The following NOTCH2NLC variants were observed in gnomAD, a reference collection of about 807,000 sequenced individuals.
The protein encoded by NOTCH2NLC is notch 2 N-terminal like C.
In NOTCH2NLC, 4 loss-of-function variants were observed where a neutral mutation model predicts 17.7. The observed-to-expected ratio is 0.23, with a 90% CI of 0.11 to 0.52. The LOEUF (loss-of-function observed/expected upper bound fraction) is 0.52, where lower values mean the gene tolerates loss of function less well. NOTCH2NLC is among the 20% of genes least tolerant of loss of function. The pLI is 0.96. For missense variants in NOTCH2NLC, 57 were observed against 207.2 expected, an observed-to-expected ratio of 0.28 and a Z score of 4.45; for synonymous variants, 18 against 86.0, an observed-to-expected ratio of 0.21 and a Z score of 4.38.
chr1:149,421,513 A>G (rs1264890349), intron 1 of NOTCH2NLC, among the ~76,000 whole-genome samples: 1 of 147,356 alleles, frequency 6.8e-6, no homozygotes, highest in Non-Finnish European at 1.5e-5. Flanking sequence ...AAAAAAAAAA[A>G]AAAAAAAGCT....
At chr1:149,457,862 A>C in intron 3 of NOTCH2NLC, among the ~76,000 whole-genome samples, 1 of 79,906 alleles carries the variant, frequency 1.3e-5, no homozygotes, top group Admixed American at 1.4e-4. Flanking sequence ...CTTTGGCAAC[A>C]CCTTCACAGA....
At chr1:149,440,999 C>T (rs1331185311) in intron 2 of NOTCH2NLC, among the ~76,000 whole-genome samples, 1 of 150,750 alleles carries the variant, frequency 6.6e-6, no homozygotes, top group African/African-American at 2.4e-5. Flanking sequence ...TTCCCTCAGA[C>T]CTTTTTGGCC....
intron 3 of NOTCH2NLC, among the ~76,000 whole-genome samples, chr1:149,460,447 T>C (rs2084636425): frequency 6.8e-6 from 1 of 147,238 alleles, no homozygotes; most frequent in South Asian, 2.2e-4. Flanking sequence ...CACGCCATTC[T>C]TCTGCCTCAG....
intron 2 of NOTCH2NLC, among the ~76,000 whole-genome samples, chr1:149,440,091 A>G (rs2084507652): frequency 6.7e-6 from 1 of 150,198 alleles, no homozygotes; most frequent in Non-Finnish European, 1.5e-5. Flanking sequence ...TTAATAAGAA[A>G]ATAATCTGAT....
chr1:149,411,856 C>CT (rs1201596958), intron 1 of NOTCH2NLC, among the ~76,000 whole-genome samples: 1 of 68,980 alleles, frequency 1.4e-5, no homozygotes, highest in Non-Finnish European at 2.9e-5. Flanking sequence ...TGGCTCACAC[C>CT]TGTAATCGCA....
At chr1:149,463,085 C>T (rs1416510132) in intron 3 of NOTCH2NLC, among the ~76,000 whole-genome samples, 3 of 150,222 alleles carry the variant, frequency 2.0e-5, no homozygotes, top group African/African-American at 2.4e-5. Context: ...CTGCCTGCCT[C>T]GGCCTCCCAA....
chr1:149,432,481 G>A (rs1186823963), intron 2 of NOTCH2NLC, among the ~76,000 whole-genome samples: 5 of 150,988 alleles, frequency 3.3e-5, no homozygotes, highest in Non-Finnish European at 7.4e-5. Context: ...AAAAACATGT[G>A]GTGCATTCTC....
intron 3 of NOTCH2NLC, among the ~76,000 whole-genome samples, chr1:149,457,281 A>G (rs1486819131): frequency 1.2e-4 from 2 of 16,678 alleles, no homozygotes; most frequent in East Asian, 1.2e-3. Context: ...ATTAAATTAG[A>G]TGAGAAAAGG....
At chr1:149,446,527 C>T (rs1298752220) in intron 2 of NOTCH2NLC, among the ~76,000 whole-genome samples, 2 of 150,596 alleles carry the variant, frequency 1.3e-5, no homozygotes, top group Non-Finnish European at 3.0e-5. Flanking sequence ...GGGGTTCTCA[C>T]CATGTTGCCC....
chr1:149,419,855 A>ATATT (rs1468150839), intron 1 of NOTCH2NLC, among the ~76,000 whole-genome samples: 2 of 78,206 alleles, frequency 2.6e-5, no homozygotes, highest in Non-Finnish European at 4.6e-5. Flanking sequence ...ATATATATAT[A>ATATT]TTTTTTTTTT....
Position 149,461,745 on chromosome 1 carries a change from G to A in NOTCH2NLC, c.470-1746G>A, listed in dbSNP as rs1233862121. On this transcript the variant is annotated intron_variant, in intron 3 of 4. Transcript: ENST00000650865. ...TTGGAACCAACCCAAATGTCCATCA[G>A]TGATAGACTGGATTAAGAAAATGTG... Among the ~76,000 whole-genome samples, 12 of 151,340 alleles carry A rather than the reference G, an allele frequency of 7.9e-5. No individual in the cohort carries two copies. The South Asian group carries it at 1.0e-3, about 13-fold the overall frequency.
chr1:149,455,273 AC>A, intron 2 of NOTCH2NLC, 44 bp from the exon 3 acceptor site: 1 of 377,784 alleles, frequency 2.6e-6, no homozygotes, highest in Non-Finnish European at 4.5e-6. Flanking sequence ...TTTTGGACTT[AC>A]AAGAAGTCAG....
intron 1 of NOTCH2NLC, among the ~76,000 whole-genome samples, chr1:149,413,228 C>A (rs1180121841): frequency 6.6e-6 from 1 of 150,820 alleles, no homozygotes; most frequent in African/African-American, 2.4e-5. Context: ...CTTTTTAGCC[C>A]TTGGTCCATT....
chr1:149,409,284 ATC>A, intron 1 of NOTCH2NLC, among the ~76,000 whole-genome samples: 1 of 150,406 alleles, frequency 6.6e-6, no homozygotes, highest in East Asian at 2.0e-4. Context: ...AAATTTGAAT[ATC>A]TGAATTAAGT....
At chr1:149,445,221 GCCT>G (rs2084542507) in intron 2 of NOTCH2NLC, among the ~76,000 whole-genome samples, 3 of 147,964 alleles carry the variant, frequency 2.0e-5, no homozygotes, top group South Asian at 4.3e-4. Context: ...GGTGGGTTAG[GCCT>G]CCTGAATGCC....
At chr1:149,423,544 T>C (rs1257689042) in intron 1 of NOTCH2NLC, among the ~76,000 whole-genome samples, 1 of 148,494 alleles carries the variant, frequency 6.7e-6, no homozygotes, top group African/African-American at 2.5e-5. Context: ...AACTTTGCTT[T>C]GTTCATTTTA....
chr1:149,461,692 T>C (rs2084650821), intron 3 of NOTCH2NLC, among the ~76,000 whole-genome samples: 2 of 151,156 alleles, frequency 1.3e-5, no homozygotes, highest in Non-Finnish European at 3.0e-5. Flanking sequence ...CGTATGTTTC[T>C]TGCGGCACTA....
rs1470720839 is a variant in NOTCH2NLC at position 149,460,873 on chromosome 1, T to G, written c.470-2618T>G. On this transcript the variant is annotated intron_variant, in intron 3 of 4. Transcript: ENST00000650865. ...TTTCTCCCTTTCTTTCTTTCTTTCT[T>G]TCTTTCTTTCTTTCTTTCTTTCTTT... 3.1e-5 allele frequency among the ~76,000 whole-genome samples: 3 copies of G among 95,494 alleles called. 1 individual carries two copies. Among genetic ancestry groups the G allele is most frequent in the East Asian group, 7.3e-4 (2 of 2,724 alleles). 62.6% of individuals were successfully genotyped at this position (95,494 alleles called of 152,430 possible).
At chr1:149,395,602 C>T (rs1470062648) in intron 1 of NOTCH2NLC, among the ~76,000 whole-genome samples, 1 of 149,324 alleles carries the variant, frequency 6.7e-6, no homozygotes, top group Non-Finnish European at 1.5e-5. Flanking sequence ...ATTACTAGGC[C>T]AGCAATTTCT....
Sources: allele counts gnomAD v4.1 joint callset (sites outside exome capture counted in the v4.1 genomes callset), GRCh38; gene constraint gnomAD v4.1.1; transcripts MANE v1.5; gene names NCBI Gene and HGNC (gene_info 2026-07-23, HGNC 2026-07-21).